Variants in ZNF750 observed in about 807,000 individuals in gnomAD.
ZNF750 encodes the protein protein ZNF750.
In ZNF750, 10 loss-of-function variants were observed where a neutral mutation model predicts 31.6. The observed-to-expected ratio is 0.32, with a 90% CI of 0.19 to 0.54. The LOEUF is 0.54. ZNF750 is among the 20% of genes least tolerant of loss of function. The pLI is 0.95. For missense variants in ZNF750, 914 were observed against 934.9 expected (o/e 0.98, Z 0.29); for synonymous variants, 400 against 404.9 (o/e 0.99, Z 0.15).
rs1373214339 is a variant in ZNF750 at position 82,832,045 on chromosome 17, G to T, written c.410C>A (p.Pro137His). Residue 137 changes from proline (P) to histidine (H), a missense_variant, in exon 2 of 3, where the codon CCC (proline) becomes CAC (histidine). Around this residue, in one of 2 missense-constraint regions of ZNF750, gnomAD observed 880 missense variants for 868.9 expected, o/e 1.01. Transcript: ENST00000269394. This position sits in a 1 kb window ranked among gnomAD's most constrained non-coding sequence, Gnocchi z 4.9. The part of the protein sequence containing the change: ...GQKPALHRAS[P>H]CKSPAPEAAL... Reference sequence around the variant, plus strand: ...GGCTTCCGGAGCTGGGCTCTTGCAGGGTGATGCCCTGTGGAGGGCTGGCTT... The same window carrying T: ...GGCTTCCGGAGCTGGGCTCTTGCAGTGTGATGCCCTGTGGAGGGCTGGCTT... 1 of 1,613,294 alleles carries T rather than the reference G, an allele frequency of 6.2e-7. No individual in the cohort carries two copies. The highest frequency in any genetic ancestry group is 1.7e-4 in the Middle Eastern group (1 of 6,058).
In ZNF750 at chr17:82,832,585, G is replaced by GC; in HGVS notation, c.-132dup. The stretch of plus-strand genomic sequence containing the variant: ...TCCCGATCACTTCTATCAGAAGCCA[G>GC]CTCTGCGTGCTGAGGGTCTGGCGAG... On this transcript the variant is annotated 5_prime_UTR_variant, in exon 2 of 3. An upstream open reading frame in the 5' UTR loses its in-frame stop. Coordinates refer to ENST00000269394, the MANE Select transcript of ZNF750 (RefSeq NM_024702.3). The surrounding 1 kb of genome is among the most constrained non-coding windows in gnomAD (Gnocchi z 4.9). The GC allele has an allele frequency of 1.2e-6, 1 of 804,986 alleles. No individual in the cohort carries two copies. The highest frequency in any genetic ancestry group is 1.5e-5 in the South Asian group (1 of 68,060). 49.9% of individuals were successfully genotyped at this position (804,986 alleles called of 1,614,324 possible). A position where few individuals can be genotyped will look rare whatever the true frequency, so the allele number is the denominator to read the frequency against.
In ZNF750 at chr17:82,832,090, G is replaced by T. The variant is rs35182876; in HGVS notation, c.365C>A (p.Thr122Asn). ...KENLELQARG[T>N]HRCLGQKPAL... The stretch of plus-strand genomic sequence containing the variant: ...TGGCTTCTGTCCCAGGCACCTGTGG[G>T]TTCCCCGGGCTTGCAGCTCCAGGTT... Residue 122 changes from threonine (T) to asparagine (N), a missense_variant, in exon 2 of 3, where the codon ACC becomes AAC. This residue lies in a region of ZNF750 where 880 missense variants were observed against 868.9 expected (regional missense o/e 1.01). Coordinates refer to ENST00000269394, the MANE Select transcript of ZNF750 (RefSeq NM_024702.3). The surrounding 1 kb of genome is among the most constrained non-coding windows in gnomAD (Gnocchi z 4.9). 3,847 of 1,614,188 alleles carry T rather than the reference G, an allele frequency of 2.4e-3. 91 individuals are homozygous for T. In the African/African-American group the frequency reaches 0.045, roughly 19 times the overall value.
rs533909307 is a variant in ZNF750 at position 82,835,457 on chromosome 17, T to C, written c.-182-2821A>G. Among the ~76,000 whole-genome samples, 1 of 152,282 alleles carries C rather than the reference T, an allele frequency of 6.6e-6. No individual in the cohort carries two copies. Among genetic ancestry groups the C allele is most frequent in the East Asian group, 1.9e-4 (1 of 5,174 alleles). ...TCTTTTTTGAGACGGAGTTTTGGTC[T>C]TGTTGCCCAGGCTGGAGGGCAGTGG... On this transcript the variant is annotated intron_variant, in intron 1 of 2. Transcript: ENST00000269394. The surrounding 1 kb of genome is among the most constrained non-coding windows in gnomAD (Gnocchi z 4.5).
At position 82,830,235 on chromosome 17, in the gene ZNF750, C is replaced by T. The variant is rs267605100; in HGVS notation, c.2079G>A (p.Arg693=). 6.2e-7 allele frequency: 1 copy of T among 1,614,210 alleles called. No homozygotes were observed. Among genetic ancestry groups the T allele is most frequent in the Non-Finnish European group, 8.5e-7 (1 of 1,180,036 alleles). Residue 693 remains arginine, a synonymous_variant, in exon 3 of 3, where the codon AGG becomes AGA. Coordinates refer to ENST00000269394, the MANE Select transcript of ZNF750 (RefSeq NM_024702.3). ...RPKGQKRTSL[R]DAGKSQQGAK... is the part of the protein sequence containing the mutation. The stretch of plus-strand genomic sequence containing the variant: ...CTCCTTGCTGGGATTTTCCAGCATC[C>T]CTTAGACTTGTCCTCTTTTGTCCTT...
In ZNF750 at chr17:82,829,806, AAC is replaced by A. The variant is rs951122862; in HGVS notation, c.*334_*335del. On this transcript the variant is annotated 3_prime_UTR_variant, in exon 3 of 3. Transcript: ENST00000269394. Reference sequence around the variant, plus strand: ...AATATGCAGCTAGAGCTAATAGAAAAACAGTTAAAACAATTTGTTGTAATGGT... The same window carrying A: ...AATATGCAGCTAGAGCTAATAGAAAAAGTTAAAACAATTTGTTGTAATGGT... 1.7e-5 allele frequency: 5 copies of A among 289,992 alleles called. No homozygotes were observed. The highest frequency in any genetic ancestry group is 1.1e-4 in the African/African-American group (5 of 46,388). 18.0% of individuals were successfully genotyped at this position (289,992 alleles called of 1,614,324 possible).
chr17:82,838,393 C>T (rs1448339415), intron 1 of ZNF750, among the ~76,000 whole-genome samples: 2 of 151,744 alleles, frequency 1.3e-5, no homozygotes, highest in Non-Finnish European at 2.9e-5. Context: ...CTTTATGGGA[C>T]GTTTCTGTGA....
At chr17:82,838,901 A>C in intron 1 of ZNF750, 1 of 985,440 alleles carries the variant, frequency 1.0e-6, no homozygotes, top group South Asian at 4.7e-5. Context: ...GAAATGCTGG[A>C]AGGCCTTTGC....
At chr17:82,838,112 G>A (rs1465161030) in intron 1 of ZNF750, among the ~76,000 whole-genome samples, 2 of 152,242 alleles carry the variant, frequency 1.3e-5, no homozygotes, top group Non-Finnish European at 2.9e-5. Flanking sequence ...ACTGGGCCGG[G>A]TGTTGGGGCG....
At position 82,830,255 on chromosome 17, in the gene ZNF750, G is replaced by C. The variant is rs747560635; in HGVS notation, c.2059C>G (p.Gln687Glu). The change falls in exon 3 of 3, where the codon CAA becomes GAA. Residue 687 changes from glutamine (Q) to glutamate (E), a missense_variant. Around this residue, in one of 2 missense-constraint regions of ZNF750, gnomAD observed 880 missense variants for 868.9 expected, o/e 1.01. Transcript: ENST00000269394. ...EAQCDLRPKG[Q>E]KRTSLRDAGK... ...GCATCCCTTAGACTTGTCCTCTTTTGTCCTTTGGGTCTGAGGTCACACTGG... is the reference window on the plus strand; with the variant it reads ...GCATCCCTTAGACTTGTCCTCTTTTCTCCTTTGGGTCTGAGGTCACACTGG... The C allele has an allele frequency of 1.9e-6, 3 of 1,614,210 alleles. No individual in the cohort carries two copies. Among genetic ancestry groups the C allele is most frequent in the Non-Finnish European group, 2.5e-6 (3 of 1,180,050 alleles).
chr17:82,830,805 G>T lies in ZNF750; in HGVS notation c.1509C>A (p.Ser503=). Residue 503 remains serine (S), a synonymous_variant, in exon 3 of 3, where the codon TCC becomes TCA. Transcript: ENST00000269394. ...SASLVSEAAP[S]SPDDSSGMGP... The stretch of plus-strand genomic sequence containing the variant: ...CCATCCCGGAGCTGTCGTCCGGACT[G>T]GAAGGCGCGGCCTCCGAGACGAGAG... The T allele has an allele frequency of 6.2e-7, 1 of 1,613,546 alleles. No homozygotes were observed. The highest frequency in any genetic ancestry group is 8.5e-7 in the Non-Finnish European group (1 of 1,180,038).
At position 82,830,122 on chromosome 17, in the gene ZNF750, A is replaced by T. The variant is rs2053342749; in HGVS notation, c.*20T>A. On this transcript the variant is annotated 3_prime_UTR_variant, in exon 3 of 3. Coordinates refer to ENST00000269394, the MANE Select transcript of ZNF750 (RefSeq NM_024702.3). ...CGTGTGTGTGGCCGTAGCTCTGTGA[A>T]CACACGTGTGAACCCGGCGTTAGGA... 5.6e-6 allele frequency: 9 copies of T among 1,612,816 alleles called. No individual in the cohort carries two copies. The East Asian group carries it at 2.0e-4, about 36-fold the overall frequency.
Position 82,832,130 on chromosome 17 carries a change from C to T in ZNF750, c.325G>A (p.Glu109Lys), listed in dbSNP as rs1351142341. The change falls in exon 2 of 3, where the codon GAA (glutamate) becomes AAA (lysine). Residue 109 changes from glutamate to lysine, a missense_variant. Glu to Lys is a moderately conservative substitution (Grantham distance 56, BLOSUM62 1). Around this residue, in one of 2 missense-constraint regions of ZNF750, gnomAD observed 880 missense variants for 868.9 expected, o/e 1.01. Transcript: ENST00000269394. The surrounding 1 kb of genome is among the most constrained non-coding windows in gnomAD (Gnocchi z 4.9). The stretch of plus-strand genomic sequence containing the variant: ...AGCTCCAGGTTTTCCTTGATGTCTT[C>T]CCTGGCAGAGCTGTGCTGAAGCTTC... Reference protein sequence around the residue: ...DSKLQHSSAREDIKENLELQA... With the variant: ...DSKLQHSSARKDIKENLELQA... 3 of 1,614,098 alleles carry T rather than the reference C, an allele frequency of 1.9e-6. No homozygotes were observed. The highest frequency in any genetic ancestry group is 2.2e-5 in the East Asian group (1 of 44,886).
chr17:82,838,317 G>A (rs1048757533), intron 1 of ZNF750, among the ~76,000 whole-genome samples: 1 of 147,176 alleles, frequency 6.8e-6, no homozygotes, highest in Admixed American at 6.9e-5. Context: ...TTGAAAAATA[G>A]ACAAGAGAAA....
Position 82,829,658 on chromosome 17 carries a change from C to T in ZNF750, c.*484G>A, listed in dbSNP as rs1032809056. Reference sequence around the variant, plus strand: ...GAAATAAATTATTTGTATAAATAGCCTCTTGATGTTTGTGTGTTATTTAGT... The same window carrying T: ...GAAATAAATTATTTGTATAAATAGCTTCTTGATGTTTGTGTGTTATTTAGT... On this transcript the variant is annotated 3_prime_UTR_variant, in exon 3 of 3. Coordinates refer to ENST00000269394, the MANE Select transcript of ZNF750 (RefSeq NM_024702.3). The T allele has an allele frequency of 6.6e-5, 11 of 166,222 alleles. No homozygotes were observed. The highest frequency in any genetic ancestry group is 2.2e-4 in the African/African-American group (9 of 41,634). 10.3% of individuals were successfully genotyped at this position (166,222 alleles called of 1,614,324 possible). A position where few individuals can be genotyped will look rare whatever the true frequency, so the allele number is the denominator to read the frequency against.
At position 82,831,981 on chromosome 17, in the gene ZNF750, C is replaced by T. The variant is rs779876008; in HGVS notation, c.474G>A (p.Arg158=). Residue 158 remains arginine, a synonymous_variant, in exon 2 of 3, where the codon CGG becomes CGA. Transcript: ENST00000269394. This position sits in a 1 kb window ranked among gnomAD's most constrained non-coding sequence, Gnocchi z 4.6. The part of the protein sequence containing the change: ...GAQPALEGAA[R]PSAFVPVGEH... ...CGCCGACTGGAACAAATGCAGAAGG[C>T]CGAGCTGCGCCTTCCAGAGCAGGCT... 3 of 1,613,084 alleles carry T rather than the reference C, an allele frequency of 1.9e-6. No homozygotes were observed. Among genetic ancestry groups the T allele is most frequent in the East Asian group, 4.5e-5 (2 of 44,878 alleles).
rs1319178632 is a variant in ZNF750, at chr17:82,831,699, C to T, written c.756G>A (p.Leu252=). The T allele has an allele frequency of 1.2e-6, 2 of 1,614,098 alleles. No homozygotes were observed. The highest frequency in any genetic ancestry group is 1.7e-6 in the Non-Finnish European group (2 of 1,180,008). Residue 252 remains leucine (L), a synonymous_variant, in exon 2 of 3, where the codon CTG becomes CTA. Coordinates refer to ENST00000269394, the MANE Select transcript of ZNF750 (RefSeq NM_024702.3). The surrounding 1 kb of genome is among the most constrained non-coding windows in gnomAD (Gnocchi z 4.6). ...GCAGGTAAGGCGAGTAGATGGTGGC[C>T]AGCCCGTGCTCTGTGTAAAAGTGAG... is the stretch of plus-strand genomic sequence containing the variant. ...YPPHFYTEHG[L]ATIYSPYLLA... is the part of the protein sequence containing the mutation.
In ZNF750 at chr17:82,835,596, T is replaced by G. The variant is rs1185709990; in HGVS notation, c.-182-2960A>C. Among the ~76,000 whole-genome samples the G allele has an allele frequency of 6.6e-6, 1 of 152,066 alleles. No homozygotes were observed. Among genetic ancestry groups the G allele is most frequent in the Non-Finnish European group, 1.5e-5 (1 of 68,010 alleles). ...TACCACCACGCCCAGCTAATTTTTT[T>G]GTAATTTTAGTAGAGATGGGGTTTC... On this transcript the variant is annotated intron_variant, in intron 1 of 2. Transcript: ENST00000269394. The surrounding 1 kb of genome is among the most constrained non-coding windows in gnomAD (Gnocchi z 4.5).
rs2053928559 is a variant in ZNF750, at chr17:82,835,913, G to C, written c.-182-3277C>G. Among the ~76,000 whole-genome samples, 1 of 152,218 alleles carries C rather than the reference G, an allele frequency of 6.6e-6. No individual in the cohort carries two copies. The highest frequency in any genetic ancestry group is 2.1e-4 in the South Asian group (1 of 4,834). On this transcript the variant is annotated intron_variant, in intron 1 of 2. Coordinates refer to ENST00000269394, the MANE Select transcript of ZNF750 (RefSeq NM_024702.3). This position sits in a 1 kb window ranked among gnomAD's most constrained non-coding sequence, Gnocchi z 4.5. ...AGGGACAGCGAGGCACGGTTTGGAT[G>C]AGGACAAGATGTTTGTTACCCTACA... is the stretch of plus-strand genomic sequence containing the variant.
intron 1 of ZNF750, among the ~76,000 whole-genome samples, chr17:82,839,118 T>G (rs2054239653): frequency 2.0e-5 from 3 of 152,246 alleles, no homozygotes; most frequent in Admixed American, 6.5e-5. Context: ...ATGCCCAATT[T>G]TAAACTTCAT....
Sources: allele counts gnomAD v4.1 joint callset (sites outside exome capture counted in the v4.1 genomes callset), GRCh38; gene constraint gnomAD v4.1.1; regional missense constraint gnomAD v4.1.1; non-coding constraint Gnocchi (gnomAD v3.1); transcripts MANE v1.5; gene names NCBI Gene and HGNC (gene_info 2026-07-23, HGNC 2026-07-21).